THNSL1: variants seen among roughly 807,000 people sequenced by gnomAD.
The protein encoded by THNSL1 is threonine synthase like 1, also known as threonine synthase-like 1.
Under a neutral mutation model 50.4 loss-of-function variants are expected in THNSL1, and 48 were observed. The observed-to-expected ratio is 0.95, with a 90% CI of 0.76 to 1.21. The LOEUF is 1.21. Among genes scored for constraint, THNSL1 ranks in the 50% most tolerant of loss-of-function variants. The pLI, the probability that THNSL1 is intolerant of heterozygous loss-of-function variation, is 0.00. For synonymous variants in THNSL1, 309 were observed against 306.1 expected (o/e 1.01, Z -0.10); for missense variants, 896 against 871.7 (o/e 1.03, Z -0.35).
the THNSL1 span, among the ~76,000 whole-genome samples, chr10:24,992,148 A>G: frequency 6.6e-6 from 1 of 152,224 alleles, no homozygotes; most frequent in Non-Finnish European, 1.5e-5. Flanking sequence ...TCTTCAAAAG[A>G]TGTTTGAGAA....
At chr10:24,972,522 A>AAAAAAAAAAAAAAAAAAAT in the THNSL1 span, among the ~76,000 whole-genome samples, 1 of 150,072 alleles carries the variant, frequency 6.7e-6, no homozygotes, top group African/African-American at 2.5e-5. Context: ...AAAAAAAAAT[A>AAAAAAAAAAAAAAAAAAAT]AATAATAATA....
At chr10:24,962,460 G>C in the THNSL1 span, among the ~76,000 whole-genome samples, 2 of 152,110 alleles carry the variant, frequency 1.3e-5, no homozygotes, top group East Asian at 3.8e-4. Flanking sequence ...CTTAAAATAA[G>C]CTCTATAGCA....
chr10:24,970,234 AT>A, the THNSL1 span, among the ~76,000 whole-genome samples: 24 of 152,270 alleles, frequency 1.6e-4, no homozygotes, highest in Admixed American at 5.2e-4. Flanking sequence ...CATAGGAACA[AT>A]TTTTTTTCCC....
At chr10:25,006,755 CAGTT>C in the THNSL1 span, among the ~76,000 whole-genome samples, 3 of 152,260 alleles carry the variant, frequency 2.0e-5, no homozygotes, top group South Asian at 6.2e-4. Flanking sequence ...AAAAAGGACT[CAGTT>C]TGTTTTACTG....
chr10:24,983,442 C>T, the THNSL1 span: 61 of 152,270 alleles, frequency 4.0e-4, no homozygotes, highest in African/African-American at 1.3e-3. Flanking sequence ...TATGTGTTTA[C>T]GTAATTATAC....
chr10:24,993,917 G>A, the THNSL1 span, among the ~76,000 whole-genome samples: 1 of 152,158 alleles, frequency 6.6e-6, no homozygotes, highest in African/African-American at 2.4e-5. Context: ...AGAAATAATG[G>A]ACTGGAAGTG....
chr10:24,997,992 G>A, the THNSL1 span, among the ~76,000 whole-genome samples: 3 of 152,044 alleles, frequency 2.0e-5, no homozygotes, highest in African/African-American at 7.3e-5. Flanking sequence ...GCCAAGACTA[G>A]AGGAAGATAC....
At chr10:25,008,572 T>C in the THNSL1 span, among the ~76,000 whole-genome samples, 1 of 152,202 alleles carries the variant, frequency 6.6e-6, no homozygotes, top group Non-Finnish European at 1.5e-5. Context: ...AATGAAACAC[T>C]GATTATGTGT....
At chr10:25,021,971 G>A (rs1850727965) in intron 2 of THNSL1, 63 bp downstream of exon 2, 1 of 152,056 alleles carries the variant, frequency 6.6e-6, no homozygotes, top group Non-Finnish European at 1.5e-5. Flanking sequence ...CAGAGTTTAA[G>A]TAGCATAGAA....
the THNSL1 span, among the ~76,000 whole-genome samples, chr10:24,966,398 C>T: frequency 6.6e-6 from 1 of 152,222 alleles, no homozygotes. Context: ...GACCACAACA[C>T]CCTCTTGCTT....
chr10:24,971,552 C>T, the THNSL1 span, among the ~76,000 whole-genome samples: 1 of 152,168 alleles, frequency 6.6e-6, no homozygotes, highest in African/African-American at 2.4e-5. Context: ...ATGTGACATA[C>T]CACTGTGTAG....
the THNSL1 span, among the ~76,000 whole-genome samples, chr10:24,967,510 G>A: frequency 2.0e-5 from 3 of 152,148 alleles, no homozygotes; most frequent in Non-Finnish European, 4.4e-5. Context: ...AGTTCTCATT[G>A]TGTTACTCTT....
chr10:24,993,673 T>G, the THNSL1 span, among the ~76,000 whole-genome samples: 2 of 152,224 alleles, frequency 1.3e-5, no homozygotes, highest in Non-Finnish European at 2.9e-5. Context: ...ATTGAGTAAG[T>G]CTTTCATGAG....
chr10:25,001,058 A>G, the THNSL1 span, among the ~76,000 whole-genome samples: 1 of 152,074 alleles, frequency 6.6e-6, no homozygotes, highest in Non-Finnish European at 1.5e-5. Flanking sequence ...AAATCCATAA[A>G]TAATTGTGAT....
chr10:24,995,888 C>A, the THNSL1 span: 9 of 1,578,298 alleles, frequency 5.7e-6, no homozygotes, highest in South Asian at 1.2e-5. Context: ...TATAACATTT[C>A]TTTGTTAATA....
At chr10:24,986,085 C>A in the THNSL1 span, among the ~76,000 whole-genome samples, 1 of 152,064 alleles carries the variant, frequency 6.6e-6, no homozygotes, top group South Asian at 2.1e-4. Context: ...AAAAACAAAA[C>A]CAAAACTCCA....
At chr10:24,967,383 A>G in the THNSL1 span, among the ~76,000 whole-genome samples, 5 of 152,160 alleles carry the variant, frequency 3.3e-5, no homozygotes, top group Admixed American at 6.5e-5. Context: ...AAATGATGAA[A>G]GGCTTTGGCT....
At chr10:24,977,649 C>A in the THNSL1 span, among the ~76,000 whole-genome samples, 1 of 152,052 alleles carries the variant, frequency 6.6e-6, no homozygotes, top group Non-Finnish European at 1.5e-5. Context: ...AGCTTTACAG[C>A]ATTACTAACT....
chr10:24,967,938 ATGTG>A, the THNSL1 span, among the ~76,000 whole-genome samples: 1 of 148,444 alleles, frequency 6.7e-6, no homozygotes, highest in Non-Finnish European at 1.5e-5. Flanking sequence ...GTGTGTGTAT[ATGTG>A]TGTATGTGTA....
Sources: gnomAD v4.1 joint callset for allele counts (sites outside exome capture counted in the v4.1 genomes callset) on GRCh38, gnomAD v4.1.1 for gene constraint, MANE v1.5 for transcripts, NCBI Gene and HGNC (gene_info 2026-07-23, HGNC 2026-07-21) for gene names.